Variants in DCN observed in about 807,000 individuals in gnomAD.
DCN encodes bone proteoglycan II.
In DCN, 17 loss-of-function variants were observed where a neutral mutation model predicts 36.5. The ratio of observed to expected loss-of-function variants is 0.47; its 90% confidence interval spans 0.32 to 0.70. The LOEUF (loss-of-function observed/expected upper bound fraction) is 0.70, where lower values mean the gene tolerates loss of function less well. DCN is among the 30% of genes least tolerant of loss of function. DCN has a pLI of 0.04. For synonymous variants in DCN, 163 were observed against 161.4 expected (o/e 1.01, Z -0.07); for missense variants, 389 against 430.1 (o/e 0.90, Z 0.84).
At chr12:91,149,881 G>A (rs923575150) in intron 7 of DCN, among the ~76,000 whole-genome samples, 2 of 152,222 alleles carry the variant, frequency 1.3e-5, no homozygotes, top group African/African-American at 4.8e-5. Context: ...TGCAAGGCAT[G>A]TATGCTAAAA....
chr12:91,175,132 A>G (rs1278707133), intron 2 of DCN: 1 of 152,124 alleles, frequency 6.6e-6, no homozygotes, highest in African/African-American at 2.4e-5. Context: ...CTAACTCTAC[A>G]TTTATTTTTA....
intron 1 of DCN, among the ~76,000 whole-genome samples, chr12:91,181,775 C>G (rs926456995): frequency 2.0e-5 from 3 of 151,792 alleles, no homozygotes; most frequent in African/African-American, 7.3e-5. Context: ...TCCTACAGCA[C>G]TAGATGATTA....
intron 5 of DCN, among the ~76,000 whole-genome samples, chr12:91,153,610 A>C (rs551585718): frequency 6.6e-6 from 1 of 152,254 alleles, no homozygotes; most frequent in African/African-American, 2.4e-5. Flanking sequence ...CCCATGTACA[A>C]ACTTAATTGT....
At position 91,145,718 on chromosome 12, in the gene DCN, A is replaced by G. The variant is rs1234696729; in HGVS notation, c.*340T>C. 2 of 406,886 alleles carry G rather than the reference A, an allele frequency of 4.9e-6. No homozygotes were observed. Among genetic ancestry groups the G allele is most frequent in the Non-Finnish European group, 9.4e-6 (2 of 212,960 alleles). 25.2% of individuals were successfully genotyped at this position (406,886 alleles called of 1,614,324 possible). On this transcript the variant is annotated 3_prime_UTR_variant, in exon 8 of 8. Transcript: ENST00000052754. Reference sequence around the variant, plus strand: ...GCTCAATGAATTACAGAAGACTCATACTCTTTTTATTTTTTCCTGGAAATT... The same window carrying G: ...GCTCAATGAATTACAGAAGACTCATGCTCTTTTTATTTTTTCCTGGAAATT...
At chr12:91,157,274 T>C in intron 4 of DCN, 86 bp from the exon 5 acceptor site, 1 of 942,446 alleles carries the variant, frequency 1.1e-6, no homozygotes. Flanking sequence ...AAGCAACCTA[T>C]AAAGAAATAG....
At position 91,164,599 on chromosome 12, in the gene DCN, T is replaced by G; in HGVS notation, c.324+6A>C. The stretch of plus-strand genomic sequence containing the variant: ...TTATTGTGAGTTAAAAAAAAATAGT[T>G]CTTACGTGAAGGTTCTTCAGGTTCT... On this transcript the variant is annotated splice_donor_region_variant and intron_variant, in intron 3 of 7. Coordinates refer to ENST00000052754, the MANE Select transcript of DCN (RefSeq NM_001920.5). 7.9e-6 allele frequency: 12 copies of G among 1,515,194 alleles called. No homozygotes were observed. Among genetic ancestry groups the G allele is most frequent in the Non-Finnish European group, 1.1e-5 (12 of 1,090,182 alleles). The allele number at this position is 1,515,194 out of a possible 1,614,324, so 93.9% of individuals were successfully genotyped here.
Position 91,153,123 on chromosome 12 carries a change from C to T in DCN, c.719G>A (p.Ser240Asn). The part of the protein sequence containing the change: ...GNKISRVDAA[S>N]LKGLNNLAKL... Reference sequence around the variant, plus strand: ...AGCCAAATTATTCAGTCCTTTCAGGCTAGCTGCATCAACTCTGCTGATTTT... The same window carrying T: ...AGCCAAATTATTCAGTCCTTTCAGGTTAGCTGCATCAACTCTGCTGATTTT... The change falls in exon 6 of 8, where the codon AGC (serine) becomes AAC (asparagine). Residue 240 changes from serine (S) to asparagine (N), a missense_variant. Coordinates refer to ENST00000052754, the MANE Select transcript of DCN (RefSeq NM_001920.5). 2 of 1,607,762 alleles carry T rather than the reference C, an allele frequency of 1.2e-6. No individual in the cohort carries two copies. Among genetic ancestry groups the T allele is most frequent in the Non-Finnish European group, 8.5e-7 (1 of 1,174,350 alleles).
chr12:91,173,888 T>C (rs1420414372), intron 2 of DCN, among the ~76,000 whole-genome samples: 3 of 152,220 alleles, frequency 2.0e-5, no homozygotes, highest in Non-Finnish European at 4.4e-5. Flanking sequence ...ACAAAATTTT[T>C]CACCAGTTCA....
intron 7 of DCN, among the ~76,000 whole-genome samples, chr12:91,148,107 G>A (rs1365299140): frequency 1.3e-5 from 2 of 149,332 alleles, no homozygotes; most frequent in Admixed American, 1.3e-4. Flanking sequence ...GGAGTCTCGC[G>A]CTGTTATCCA....
intron 2 of DCN, among the ~76,000 whole-genome samples, chr12:91,174,965 G>C (rs557594472): frequency 1.4e-4 from 21 of 152,162 alleles, no homozygotes; most frequent in Non-Finnish European, 1.5e-4. Flanking sequence ...AAGCCAAAGA[G>C]TACCTAAGTA....
At chr12:91,175,329 C>T (rs142631676) in intron 2 of DCN, 20 of 137,282 alleles carry the variant, frequency 1.5e-4, no homozygotes, top group African/African-American at 4.4e-4. Context: ...GTCTCAATCC[C>T]TCATCCTCTT....
chr12:91,161,328 A>G (rs1476634608), intron 3 of DCN, among the ~76,000 whole-genome samples: 1 of 152,246 alleles, frequency 6.6e-6, no homozygotes, highest in African/African-American at 2.4e-5. Context: ...TTTAAAAAAT[A>G]TTCCAAGTAT....
chr12:91,149,356 G>A (rs567733129), intron 7 of DCN, among the ~76,000 whole-genome samples: 23 of 152,090 alleles, frequency 1.5e-4, no homozygotes, highest in African/African-American at 3.1e-4. Context: ...GCCAAAACTC[G>A]CATGATTATC....
rs898087606 is a variant in DCN, at chr12:91,170,269, T to C, written c.212-5552A>G. ...GCAAAATAGAGGGTGTTGCTCTCAT[T>C]ATCCTTCTGAATAATCTTTCTGATT... On this transcript the variant is annotated intron_variant, in intron 2 of 7. Transcript: ENST00000052754. Among the ~76,000 whole-genome samples the C allele has an allele frequency of 1.1e-4, 16 of 152,256 alleles. No homozygotes were observed. In the East Asian group the frequency reaches 3.1e-3, roughly 29 times the overall value.
At position 91,164,672 on chromosome 12, in the gene DCN, A is replaced by C; in HGVS notation, c.257T>G (p.Leu86Arg). ...PKDLPPDTTL[L>R]DLQNNKITEI... ...GGTTATTTTGTTGTTTTGCAGGTCT[A>C]GCAGAGTTGTGTCAGGGGGAAGATC... Residue 86 changes from leucine (L) to arginine (R), a missense_variant, in exon 3 of 8, where the codon CTA becomes CGA. Leu to Arg is a moderately radical substitution (Grantham distance 102). Transcript: ENST00000052754. 1 of 1,613,242 alleles carries C rather than the reference A, an allele frequency of 6.2e-7. No homozygotes were observed.
At chr12:91,165,363 G>A (rs546587323) in intron 2 of DCN, among the ~76,000 whole-genome samples, 185 of 152,244 alleles carry the variant, frequency 1.2e-3, no homozygotes, top group Non-Finnish European at 2.2e-3. Context: ...TGGGTAGTAT[G>A]ACATATCTGA....
chr12:91,152,984 A>C (rs1881531635), intron 6 of DCN, 112 bp downstream of exon 6: 1 of 705,868 alleles, frequency 1.4e-6, no homozygotes, highest in Admixed American at 2.0e-5. Flanking sequence ...CAACAACAGC[A>C]GTGAAATGTA....
Position 91,178,559 on chromosome 12 carries a change from T to A in DCN, c.-7A>T, listed in dbSNP as rs781069074. On this transcript the variant is annotated 5_prime_UTR_variant, in exon 2 of 8. Transcript: ENST00000052754. Reference sequence around the variant, plus strand: ...GGATGATAGTGGCCTTCATGATTTATCTCATGTATTTTCACAACCAGGGAA... The same window carrying A: ...GGATGATAGTGGCCTTCATGATTTAACTCATGTATTTTCACAACCAGGGAA... 1 of 1,613,032 alleles carries A rather than the reference T, an allele frequency of 6.2e-7. No homozygotes were observed. Among genetic ancestry groups the A allele is most frequent in the African/African-American group, 1.3e-5 (1 of 74,966 alleles).
intron 2 of DCN, among the ~76,000 whole-genome samples, chr12:91,171,838 C>T (rs1882979254): frequency 6.6e-6 from 1 of 152,214 alleles, no homozygotes; most frequent in African/African-American, 2.4e-5. Context: ...TTCCATACCT[C>T]AAGTTGTGAG....
Sources: allele counts gnomAD v4.1 joint callset (sites outside exome capture counted in the v4.1 genomes callset), GRCh38; gene constraint gnomAD v4.1.1; transcripts MANE v1.5; gene names NCBI Gene and HGNC (gene_info 2026-07-23, HGNC 2026-07-21).